LPP: variants seen among roughly 807,000 people sequenced by gnomAD.
The protein encoded by LPP is LIM domain containing preferred translocation partner in lipoma, also known as lipoma-preferred partner.
LPP carries 38 observed loss-of-function variants against 60.4 expected under a neutral mutation model. That is an observed-to-expected ratio of 0.63 (90% CI 0.49 to 0.83). The LOEUF (loss-of-function observed/expected upper bound fraction) is 0.83. LPP is among the 40% of genes least tolerant of loss of function. The probability of loss-of-function intolerance (pLI) is 0.00; values close to 1 mark genes in which losing one functional copy is unlikely to be tolerated. For missense variants in LPP, 902 were observed against 783.6 expected, an observed-to-expected ratio of 1.15 and a Z score of -1.80; for synonymous variants, 328 against 290.8, an observed-to-expected ratio of 1.13 and a Z score of -1.30.
At chr3:188,636,726 GC>G (rs1248208979) in intron 7 of LPP, among the ~76,000 whole-genome samples, 1 of 152,018 alleles carries the variant, frequency 6.6e-6, no homozygotes, top group Non-Finnish European at 1.5e-5. Flanking sequence ...TGGGCAGACT[GC>G]CTCCTCAAGT....
intron 7 of LPP, among the ~76,000 whole-genome samples, chr3:188,646,460 G>T (rs1185328724): frequency 6.6e-6 from 1 of 152,178 alleles, no homozygotes; most frequent in Non-Finnish European, 1.5e-5. Flanking sequence ...TATAAACTCA[G>T]TTGGTTCTCC....
chr3:188,363,846 A>C (rs1262213339), intron 3 of LPP, among the ~76,000 whole-genome samples: 1 of 142,060 alleles, frequency 7.0e-6, no homozygotes, highest in African/African-American at 2.6e-5. Context: ...TAGAGGTTGC[A>C]GTGAGTTGAG....
At chr3:188,355,009 G>T (rs1488277806) in intron 3 of LPP, among the ~76,000 whole-genome samples, 14 of 152,028 alleles carry the variant, frequency 9.2e-5, no homozygotes, top group Admixed American at 9.2e-4. Context: ...ATTTTTGTTT[G>T]TTTTTTCTTT....
intron 7 of LPP, among the ~76,000 whole-genome samples, chr3:188,700,427 A>G (rs1864171452): frequency 6.6e-6 from 1 of 152,196 alleles, no homozygotes; most frequent in South Asian, 2.1e-4. Flanking sequence ...CACACAGGTT[A>G]AAGTAGGTAA....
chr3:188,441,325 T>C (rs1324332133), intron 4 of LPP, among the ~76,000 whole-genome samples: 1 of 152,168 alleles, frequency 6.6e-6, no homozygotes, highest in African/African-American at 2.4e-5. Flanking sequence ...TTTATCAGAA[T>C]ATATTAGAAG....
At chr3:188,492,241 T>A (rs1808588363) in intron 5 of LPP, among the ~76,000 whole-genome samples, 1 of 152,188 alleles carries the variant, frequency 6.6e-6, no homozygotes, top group Admixed American at 6.5e-5. Context: ...TTGCTCAAAG[T>A]TAAGTGAGAC....
chr3:188,541,304 A>G (rs577295159), intron 6 of LPP, among the ~76,000 whole-genome samples: 1 of 152,280 alleles, frequency 6.6e-6, no homozygotes, highest in South Asian at 2.1e-4. Context: ...AATAATTTGT[A>G]TTTCAAGTGT....
chr3:188,559,725 G>T (rs969577148), intron 6 of LPP, among the ~76,000 whole-genome samples: 7 of 151,954 alleles, frequency 4.6e-5, no homozygotes, highest in African/African-American at 1.7e-4. Context: ...TACTATGCCA[G>T]TACCACAATG....
At chr3:188,288,833 C>G (rs1744996761) in intron 2 of LPP, among the ~76,000 whole-genome samples, 1 of 126,098 alleles carries the variant, frequency 7.9e-6, no homozygotes, top group African/African-American at 3.0e-5. Flanking sequence ...CCACCCCCAC[C>G]CCCCCGCCCC....
chr3:188,693,490 G>A (rs550836687), intron 7 of LPP, among the ~76,000 whole-genome samples: 1 of 152,280 alleles, frequency 6.6e-6, no homozygotes, highest in South Asian at 2.1e-4. Context: ...AGAAATAGTT[G>A]TTGAGATGAA....
intron 5 of LPP, among the ~76,000 whole-genome samples, chr3:188,492,560 G>T (rs967983375): frequency 6.6e-6 from 1 of 152,008 alleles, no homozygotes; most frequent in African/African-American, 2.4e-5. Context: ...GCTCTGTGTG[G>T]TCGTGTGTGC....
At chr3:188,509,671 T>C (rs1375983213) in intron 5 of LPP, among the ~76,000 whole-genome samples, 1 of 56,504 alleles carries the variant, frequency 1.8e-5, no homozygotes. Context: ...CCTTCCTTCC[T>C]TCCTTCCTTC....
intron 9 of LPP, among the ~76,000 whole-genome samples, chr3:188,864,506 A>G (rs1029116052): frequency 2.6e-5 from 4 of 152,364 alleles, no homozygotes; most frequent in African/African-American, 7.2e-5. Flanking sequence ...TAATTTAAAT[A>G]AAGTGCACAC....
intron 9 of LPP, among the ~76,000 whole-genome samples, chr3:188,808,994 A>C (rs1273816841): frequency 1.3e-5 from 2 of 152,088 alleles, no homozygotes; most frequent in Non-Finnish European, 2.9e-5. Context: ...CATCCATGTC[A>C]CTGCAAAGGA....
intron 7 of LPP, among the ~76,000 whole-genome samples, chr3:188,649,696 A>G (rs1211714629): frequency 6.6e-6 from 1 of 152,166 alleles, no homozygotes; most frequent in Non-Finnish European, 1.5e-5. Flanking sequence ...TGAGTCATAG[A>G]AGAAATGCAC....
intron 8 of LPP, among the ~76,000 whole-genome samples, chr3:188,725,717 A>G (rs1188110080): frequency 6.6e-6 from 1 of 152,216 alleles, no homozygotes; most frequent in Non-Finnish European, 1.5e-5. Flanking sequence ...TCCACAAAAT[A>G]TAGACAGAAG....
intron 8 of LPP, among the ~76,000 whole-genome samples, chr3:188,734,023 C>T (rs1436454961): frequency 2.0e-5 from 3 of 151,960 alleles, no homozygotes; most frequent in African/African-American, 7.2e-5. Flanking sequence ...AGTTTGTTTT[C>T]TAACTCATTA....
chr3:188,587,788 A>G (rs1837803335), intron 6 of LPP, among the ~76,000 whole-genome samples: 1 of 152,214 alleles, frequency 6.6e-6, no homozygotes, highest in Admixed American at 6.5e-5. Context: ...TTTAAAATAA[A>G]ATAGGTTTCT....
intron 2 of LPP, among the ~76,000 whole-genome samples, chr3:188,288,035 TG>T (rs1296136269): frequency 6.6e-6 from 1 of 152,218 alleles, no homozygotes; most frequent in Non-Finnish European, 1.5e-5. Flanking sequence ...GCAGGCAATT[TG>T]TTATCAAAAG....
Sources: allele counts gnomAD v4.1 joint callset (sites outside exome capture counted in the v4.1 genomes callset), GRCh38; gene constraint gnomAD v4.1.1; transcripts MANE v1.5; gene names NCBI Gene and HGNC (gene_info 2026-07-23, HGNC 2026-07-21).